The following NFKBIE variants were observed in gnomAD, a reference collection of about 807,000 sequenced individuals.
NFKBIE encodes the protein NFKB inhibitor epsilon.
A neutral mutation model predicts 31.6 loss-of-function variants in NFKBIE; 11 were observed. The ratio of observed to expected loss-of-function variants is 0.35; its 90% CI spans 0.22 to 0.58. The LOEUF (loss-of-function observed/expected upper bound fraction) is 0.58, where lower values mean the gene tolerates loss of function less well. NFKBIE is among the 20% of genes least tolerant of loss of function. NFKBIE has a pLI of 0.83. For synonymous variants in NFKBIE, 208 were observed against 210.1 expected, an observed-to-expected ratio of 0.99 and a Z score of 0.09; for missense variants, 354 against 465.7, an observed-to-expected ratio of 0.76 and a Z score of 2.21.
At chr6:44,264,542 C>A (rs1782043955) in intron 1 of NFKBIE, among the ~76,000 whole-genome samples, 1 of 152,230 alleles carries the variant, frequency 6.6e-6, no homozygotes, top group African/African-American at 2.4e-5. Context: ...TGGTGGCACC[C>A]CCCATGCCTA....
In NFKBIE at chr6:44,262,658, C is replaced by A. The variant is rs1781962590; in HGVS notation, c.370G>T (p.Val124Phe). The A allele has an allele frequency of 6.2e-7, 1 of 1,613,928 alleles. No homozygotes were observed. Among genetic ancestry groups the A allele is most frequent in the East Asian group, 2.2e-5 (1 of 44,878 alleles). The change falls in exon 2 of 6, where the codon GTC becomes TTC. Residue 124 changes from valine to phenylalanine, a missense_variant. Coordinates refer to ENST00000619360, the MANE Select transcript of NFKBIE (RefSeq NM_004556.3). Reference sequence around the variant, plus strand: ...GCCTCATGAATCACTGCCAGGTGGACCAGCCTAGGGGAGCAGAGGCGGGGC... The same window carrying A: ...GCCTCATGAATCACTGCCAGGTGGAACAGCCTAGGGGAGCAGAGGCGGGGC... ...TYISEDGDTL[V>F]HLAVIHEAPA...
Position 44,259,273 on chromosome 6 carries a change from A to C in NFKBIE, c.1032T>G (p.Leu344=). 1 of 1,613,200 alleles carries C rather than the reference A, an allele frequency of 6.2e-7. No homozygotes were observed. Among genetic ancestry groups the C allele is most frequent in the Non-Finnish European group, 8.5e-7 (1 of 1,179,354 alleles). ...AGATCTTCAGGTCATCAAAGGGCAAAAGGACAAGGGACTGAGAAGGAGAAT... is the reference window on the plus strand; with the variant it reads ...AGATCTTCAGGTCATCAAAGGGCAACAGGACAAGGGACTGAGAAGGAGAAT... ...PQDLTEESLV[L]LPFDDLKISG... The change falls in exon 6 of 6, where the codon CTT becomes CTG. Residue 344 remains leucine, a synonymous_variant. Transcript: ENST00000619360.
At chr6:44,262,738 G>GT in intron 1 of NFKBIE, 76 bp from the exon 2 acceptor site, 1 of 1,155,040 alleles carries the variant, frequency 8.7e-7, no homozygotes. Flanking sequence ...GAGTTAGAAG[G>GT]AACACATCAA....
Position 44,260,524 on chromosome 6 carries a change from T to G in NFKBIE, c.707A>C (p.His236Pro). ...TTGGTTCTTCTGAAGGGTGGCAATG[T>G]GGAGACAAGCCAGACCTGGGATGGG... ...LQNWQGLACL[H>P]IATLQKNQPL... The change falls in exon 4 of 6, where the codon CAC becomes CCC. Residue 236 changes from histidine (H) to proline (P), a missense_variant. Transcript: ENST00000619360. The surrounding 1 kb of genome is among the most constrained non-coding windows in gnomAD (Gnocchi z 5.5). 1 of 1,614,020 alleles carries G rather than the reference T, an allele frequency of 6.2e-7. No individual in the cohort carries two copies. Among genetic ancestry groups the G allele is most frequent in the Non-Finnish European group, 8.5e-7 (1 of 1,179,988 alleles).
chr6:44,259,086 G>C lies in NFKBIE; in HGVS notation c.*133C>G. ...TCCTCGGCTCAGGACTGTACTGGCT[G>C]GCCCCAGGCTCTGGCCACAGCAGTC... On this transcript the variant is annotated 3_prime_UTR_variant, in exon 6 of 6. Coordinates refer to ENST00000619360, the MANE Select transcript of NFKBIE (RefSeq NM_004556.3). 1 of 867,518 alleles carries C rather than the reference G, an allele frequency of 1.2e-6. No homozygotes were observed. The highest frequency in any genetic ancestry group is 1.9e-6 in the Non-Finnish European group (1 of 530,512). 53.7% of individuals were successfully genotyped at this position (867,518 alleles called of 1,614,324 possible).
intron 5 of NFKBIE, among the ~76,000 whole-genome samples, 167 bp downstream of exon 5, chr6:44,259,876 C>T (rs978607374): frequency 6.6e-6 from 1 of 152,142 alleles, no homozygotes; most frequent in African/African-American, 2.4e-5. Context: ...CCAAATTTGG[C>T]TCCTTGGACC....
At chr6:44,262,785 TGA>T in intron 1 of NFKBIE, 123 bp from the exon 2 acceptor site, 1 of 695,570 alleles carries the variant, frequency 1.4e-6, no homozygotes, top group Non-Finnish European at 2.5e-6. Flanking sequence ...GTCCAGGAAG[TGA>T]GAGTGTGGGC....
At chr6:44,259,487 C>T (rs28362860) in intron 5 of NFKBIE, among the ~76,000 whole-genome samples, 4,555 of 149,388 alleles carry the variant, frequency 0.03, 79 homozygotes, top group South Asian at 0.054. Context: ...ACAAGCCTTC[C>T]TTTTCTAAGA....
chr6:44,262,494 T>C (rs536753115), intron 2 of NFKBIE, 66 bp downstream of exon 2: 2 of 1,384,068 alleles, frequency 1.4e-6, no homozygotes, highest in South Asian at 2.4e-5. Flanking sequence ...TGGACTGGTA[T>C]GGCTGCTGGG....
rs1782061286 is a variant in NFKBIE at position 44,264,912 on chromosome 6, G to T, written c.365+70C>A. ...AGGATCTTCACGGGGGAGTGGGGGT[G>T]CCCGACCTGTTGCGGCTCTTGGGCA... On this transcript the variant is annotated intron_variant, in intron 1 of 5. Transcript: ENST00000619360. The T allele has an allele frequency of 6.7e-6, 10 of 1,498,454 alleles. No individual in the cohort carries two copies. The South Asian group carries it at 1.2e-4, about 18-fold the overall frequency. The allele number at this position is 1,498,454 out of a possible 1,614,324, so 92.8% of individuals were successfully genotyped here.
Position 44,260,408 on chromosome 6 carries a change from G to C in NFKBIE, c.780+43C>G. ...AGGGGACTTGGGGATGTGTCAGGTG[G>C]GGGCAGGCCCTGGGCCGGGCAGTGC... On this transcript the variant is annotated intron_variant, in intron 4 of 5. Coordinates refer to ENST00000619360, the MANE Select transcript of NFKBIE (RefSeq NM_004556.3). This position sits in a 1 kb window ranked among gnomAD's most constrained non-coding sequence, Gnocchi z 5.5. 2 of 1,613,648 alleles carry C rather than the reference G, an allele frequency of 1.2e-6. No individual in the cohort carries two copies. Among genetic ancestry groups the C allele is most frequent in the Non-Finnish European group, 1.7e-6 (2 of 1,179,606 alleles).
At position 44,261,517 on chromosome 6, in the gene NFKBIE, G is replaced by T; in HGVS notation, c.691+109C>A. On this transcript the variant is annotated intron_variant, in intron 3 of 5. Coordinates refer to ENST00000619360, the MANE Select transcript of NFKBIE (RefSeq NM_004556.3). This position sits in a 1 kb window ranked among gnomAD's most constrained non-coding sequence, Gnocchi z 4.3. ...ATATCTATGTGCTTACAGTGGGAGG[G>T]GCACCAATGGACAAGCTGGGACCCT... 2.9e-6 allele frequency: 3 copies of T among 1,050,630 alleles called. No individual in the cohort carries two copies. The South Asian group carries it at 4.5e-5, about 16-fold the overall frequency. The allele number at this position is 1,050,630 out of a possible 1,614,324, so 65.1% of individuals were successfully genotyped here. A position where few individuals can be genotyped will look rare whatever the true frequency, so the allele number is the denominator to read the frequency against.
chr6:44,264,900 G>C (rs1313579102), intron 1 of NFKBIE, 82 bp downstream of exon 1: 5 of 1,433,938 alleles, frequency 3.5e-6, no homozygotes, highest in Non-Finnish European at 4.7e-6. Flanking sequence ...ATCTTCACGG[G>C]GGAGTGGGGG....
rs1781883186 is a variant in NFKBIE, at chr6:44,260,864, C to CACACACACACACAG, written c.692-326_692-325insCTGTGTGTGTGTGT. On this transcript the variant is annotated intron_variant, in intron 3 of 5. Transcript: ENST00000619360. This position sits in a 1 kb window ranked among gnomAD's most constrained non-coding sequence, Gnocchi z 5.5. ...ACACACACACACACACATACAGACA[C>CACACACACACACAG]ACACACACACACACACACACACACA... is the stretch of plus-strand genomic sequence containing the variant. Among the ~76,000 whole-genome samples, 258 of 107,260 alleles carry CACACACACACACAG rather than the reference C, an allele frequency of 2.4e-3. 4 individuals are homozygous for CACACACACACACAG. The highest frequency in any genetic ancestry group is 5.1e-3 in the Middle Eastern group (1 of 196). 70.4% of individuals were successfully genotyped at this position (107,260 alleles called of 152,430 possible). A position where few individuals can be genotyped will look rare whatever the true frequency, so the allele number is the denominator to read the frequency against.
rs1349037538 is a variant in NFKBIE at position 44,260,870 on chromosome 6, C to T, written c.692-331G>A. On this transcript the variant is annotated intron_variant, in intron 3 of 5. Coordinates refer to ENST00000619360, the MANE Select transcript of NFKBIE (RefSeq NM_004556.3). This position sits in a 1 kb window ranked among gnomAD's most constrained non-coding sequence, Gnocchi z 5.5. ...ACACACACACATACAGACACACACA[C>T]ACACACACACACACACACACAACCT... Among the ~76,000 whole-genome samples the T allele has an allele frequency of 9.8e-5, 14 of 142,450 alleles. No individual in the cohort carries two copies. The highest frequency in any genetic ancestry group is 3.6e-3 in the Middle Eastern group (1 of 276). 93.5% of individuals were successfully genotyped at this position (142,450 alleles called of 152,430 possible).
intron 1 of NFKBIE, among the ~76,000 whole-genome samples, chr6:44,264,410 C>T (rs1782037724): frequency 6.6e-6 from 1 of 152,212 alleles, no homozygotes; most frequent in South Asian, 2.1e-4. Context: ...GCCCTCACTT[C>T]CCCTTTCTTA....
chr6:44,260,595 T>C lies in NFKBIE; in HGVS notation c.692-56A>G. 1 of 1,548,748 alleles carries C rather than the reference T, an allele frequency of 6.5e-7. No homozygotes were observed. Among genetic ancestry groups the C allele is most frequent in the Non-Finnish European group, 8.9e-7 (1 of 1,121,586 alleles). ...TGCTGATCTGCATCCACCAACTCCC[T>C]CTCTTCTGGGACCTCCCTACCACTC... On this transcript the variant is annotated intron_variant, in intron 3 of 5. Transcript: ENST00000619360. This position sits in a 1 kb window ranked among gnomAD's most constrained non-coding sequence, Gnocchi z 5.5.
rs752240506 is a variant in NFKBIE at position 44,265,050 on chromosome 6, G to A, written c.297C>T (p.Leu99=). The change falls in exon 1 of 6, where the codon CTC becomes CTT. Residue 99 remains leucine (L), a synonymous_variant. Transcript: ENST00000619360. ...EAEDPAPRLP[L]PHVGALSPQQ... is the part of the protein sequence containing the mutation. ...GAGGGCTCAGCGCCCCCACGTGGGG[G>A]AGTGGCAGGCGTGGGGCCGGGTCCT... The A allele has an allele frequency of 6.3e-6, 10 of 1,580,690 alleles. No homozygotes were observed. The highest frequency in any genetic ancestry group is 8.6e-6 in the Non-Finnish European group (10 of 1,163,382).
At position 44,263,321 on chromosome 6, in the gene NFKBIE, G is replaced by A. The variant is rs1397206487; in HGVS notation, c.366-659C>T. On this transcript the variant is annotated intron_variant, in intron 1 of 5. Coordinates refer to ENST00000619360, the MANE Select transcript of NFKBIE (RefSeq NM_004556.3). This position sits in a 1 kb window ranked among gnomAD's most constrained non-coding sequence, Gnocchi z 5.0. ...GTGCAGAAAATGTATTTGTTGAGGGGGCCAAGAACCTTAATCTAGGGGTAA... is the reference window on the plus strand; with the variant it reads ...GTGCAGAAAATGTATTTGTTGAGGGAGCCAAGAACCTTAATCTAGGGGTAA... 2.0e-5 allele frequency among the ~76,000 whole-genome samples: 3 copies of A among 152,092 alleles called. No individual in the cohort carries two copies. Among genetic ancestry groups the A allele is most frequent in the African/African-American group, 7.2e-5 (3 of 41,410 alleles).
Sources: allele counts gnomAD v4.1 joint callset (sites outside exome capture counted in the v4.1 genomes callset), GRCh38; gene constraint gnomAD v4.1.1; non-coding constraint Gnocchi (gnomAD v3.1); transcripts MANE v1.5; gene names NCBI Gene and HGNC (gene_info 2026-07-23, HGNC 2026-07-21).